ZFAND6: variants seen among roughly 807,000 people sequenced by gnomAD.
ZFAND6 encodes the protein AN1-type zinc finger protein 6.
Under a neutral mutation model 24.5 loss-of-function variants are expected in ZFAND6, and 12 were observed. That is an observed-to-expected ratio of 0.49 (90% CI 0.31 to 0.79). The LOEUF (loss-of-function observed/expected upper bound fraction) is 0.79. ZFAND6 is among the 30% of genes least tolerant of loss of function. The pLI, the probability that ZFAND6 is intolerant of heterozygous loss-of-function variation, is 0.04. For missense variants in ZFAND6, 207 were observed against 245.9 expected (o/e 0.84, Z 1.06); for synonymous variants, 92 against 81.5 (o/e 1.13, Z -0.69).
At chr15:80,069,233 A>T (rs1295207215) in intron 1 of ZFAND6, among the ~76,000 whole-genome samples, 1 of 152,220 alleles carries the variant, frequency 6.6e-6, no homozygotes, top group Non-Finnish European at 1.5e-5. Context: ...GTTGTTTGGC[A>T]CATGAAAATT....
At chr15:80,135,276 C>T (rs909632643) in intron 6 of ZFAND6, among the ~76,000 whole-genome samples, 6 of 152,154 alleles carry the variant, frequency 3.9e-5, no homozygotes, top group African/African-American at 1.4e-4. Context: ...AAACATACAA[C>T]ACAAAATATG....
At chr15:80,106,520 C>CT (rs2039333891) in intron 2 of ZFAND6, among the ~76,000 whole-genome samples, 1 of 151,386 alleles carries the variant, frequency 6.6e-6, no homozygotes, top group African/African-American at 2.4e-5. Flanking sequence ...TTTGCCAGCC[C>CT]TAATCTAGAG....
At chr15:80,067,697 G>T (rs1225762800) in intron 1 of ZFAND6, among the ~76,000 whole-genome samples, 1 of 152,126 alleles carries the variant, frequency 6.6e-6, no homozygotes, top group African/African-American at 2.4e-5. Context: ...TTGGACAGCA[G>T]AGAGACAGTC....
At chr15:80,083,502 A>G (rs78401588) in intron 1 of ZFAND6, among the ~76,000 whole-genome samples, 18 of 152,350 alleles carry the variant, frequency 1.2e-4, no homozygotes, top group African/African-American at 3.8e-4. Context: ...AGAAGACTGT[A>G]AAGTGGCTGT....
At chr15:80,120,564 C>G (rs946544185) in intron 3 of ZFAND6, 66 bp downstream of exon 3, 1 of 1,306,228 alleles carries the variant, frequency 7.7e-7, no homozygotes, top group Non-Finnish European at 1.0e-6. Flanking sequence ...TTCGGTATAC[C>G]CAATACCTTT....
At chr15:80,086,423 A>G (rs945690929) in intron 1 of ZFAND6, among the ~76,000 whole-genome samples, 3 of 152,250 alleles carry the variant, frequency 2.0e-5, no homozygotes, top group Admixed American at 1.3e-4. Flanking sequence ...GTAAATTTAT[A>G]AAGTTATGTT....
At chr15:80,082,790 T>A (rs1027511283) in intron 1 of ZFAND6, among the ~76,000 whole-genome samples, 1 of 152,186 alleles carries the variant, frequency 6.6e-6, no homozygotes, top group Non-Finnish European at 1.5e-5. Flanking sequence ...CTTGTTTTGC[T>A]GAGTTTATAT....
chr15:80,101,083 T>C (rs569091192), intron 2 of ZFAND6, among the ~76,000 whole-genome samples: 2 of 152,328 alleles, frequency 1.3e-5, no homozygotes, highest in South Asian at 4.1e-4. Context: ...ATTTTAAGGC[T>C]TTAGGATTAA....
intron 2 of ZFAND6, among the ~76,000 whole-genome samples, chr15:80,105,696 T>C (rs1444560051): frequency 5.9e-5 from 9 of 152,208 alleles, no homozygotes; most frequent in Non-Finnish European, 1.3e-4. Flanking sequence ...AACTTGAAGA[T>C]GAGTCAGTTC....
At chr15:80,069,707 C>G (rs2141811914) in intron 1 of ZFAND6, among the ~76,000 whole-genome samples, 1 of 152,194 alleles carries the variant, frequency 6.6e-6, no homozygotes, top group South Asian at 2.1e-4. Flanking sequence ...TGCCCGGGTT[C>G]AAGCAATCCT....
In ZFAND6 at chr15:80,091,699, G is replaced by A. The variant is rs75534942; in HGVS notation, c.-180-6717G>A. Among the ~76,000 whole-genome samples the A allele has an allele frequency of 0.02, 3,108 of 152,054 alleles. 229 individuals are homozygous for A. The East Asian group carries it at 0.22, about 11-fold the overall frequency. On this transcript the variant is annotated intron_variant, in intron 1 of 6. Coordinates refer to ENST00000261749, the MANE Select transcript of ZFAND6 (RefSeq NM_019006.4). ...TTGTCACCCCAGCTGGAGTGCAGAC[G>A]CACAATCATAGCTCACTGTAACCTC...
At chr15:80,093,125 TTG>T (rs558365973) in intron 1 of ZFAND6, among the ~76,000 whole-genome samples, 4 of 150,894 alleles carry the variant, frequency 2.7e-5, no homozygotes, top group Admixed American at 6.6e-5. Flanking sequence ...CAGCTAATTT[TTG>T]TGTGTGTGTG....
intron 2 of ZFAND6, among the ~76,000 whole-genome samples, chr15:80,098,801 C>T (rs559654197): frequency 6.6e-6 from 1 of 152,120 alleles, no homozygotes; most frequent in Admixed American, 6.5e-5. Context: ...TTAGTGACTA[C>T]ACATCTTTTT....
In ZFAND6 at chr15:80,083,859, C is replaced by T. The variant is rs113745717; in HGVS notation, c.-180-14557C>T. 9.1e-3 allele frequency among the ~76,000 whole-genome samples: 1,393 copies of T among 152,256 alleles called. 26 individuals are homozygous for T. The highest frequency in any genetic ancestry group is 0.032 in the African/African-American group (1,316 of 41,542). ...CCTGGGCAACAGAGCGAAATTCCTT[C>T]TCAAAAGCATGGAAGTTGAGAGCTT... On this transcript the variant is annotated intron_variant, in intron 1 of 6. Transcript: ENST00000261749.
In ZFAND6 at chr15:80,127,101, C is replaced by G. The variant is rs139132840; in HGVS notation, c.365-4079C>G. On this transcript the variant is annotated intron_variant, in intron 5 of 6. Transcript: ENST00000261749. ...TCAGCCTGGGTCACAGAATGAGACCCTCTCTCAAAAAATAAAAGAGTGGAA... is the reference window on the plus strand; with the variant it reads ...TCAGCCTGGGTCACAGAATGAGACCGTCTCTCAAAAAATAAAAGAGTGGAA... 1.8e-3 allele frequency among the ~76,000 whole-genome samples: 280 copies of G among 151,694 alleles called. 1 individual carries two copies. The highest frequency in any genetic ancestry group is 6.6e-3 in the African/African-American group (272 of 41,348).
chr15:80,105,474 C>T (rs767368129), intron 2 of ZFAND6, among the ~76,000 whole-genome samples: 10 of 152,174 alleles, frequency 6.6e-5, no homozygotes, highest in Admixed American at 1.3e-4. Flanking sequence ...CTCTCTCTCT[C>T]ATGATGAACT....
intron 2 of ZFAND6, among the ~76,000 whole-genome samples, chr15:80,106,122 G>A (rs769070911): frequency 1.3e-5 from 2 of 152,186 alleles, no homozygotes; most frequent in Non-Finnish European, 2.9e-5. Flanking sequence ...TGATAGGTAC[G>A]ATAAGTTTAT....
Position 80,121,804 on chromosome 15 carries a change from T to A in ZFAND6, c.247T>A (p.Ser83Thr). 6.2e-7 allele frequency: 1 copy of A among 1,613,504 alleles called. No homozygotes were observed. The highest frequency in any genetic ancestry group is 2.2e-5 in the East Asian group (1 of 44,852). ...EAQSALDSTS[S>T]SMQPSPVSNQ... The stretch of plus-strand genomic sequence containing the variant: ...CCAGTCAGCATTAGACTCTACATCT[T>A]CATCTATGCAGCCCAGGTAAGATGT... Residue 83 changes from serine to threonine, a missense_variant, in exon 4 of 7, where the codon TCA becomes ACA. Physicochemically the swap from Ser to Thr is moderately conservative, Grantham distance 58. Around this residue, in one of 3 missense-constraint regions of ZFAND6, gnomAD observed 133 missense variants for 122.8 expected, o/e 1.08. Coordinates refer to ENST00000261749, the MANE Select transcript of ZFAND6 (RefSeq NM_019006.4).
intron 2 of ZFAND6, among the ~76,000 whole-genome samples, chr15:80,099,872 C>T (rs2038943656): frequency 6.6e-6 from 1 of 152,148 alleles, no homozygotes; most frequent in Non-Finnish European, 1.5e-5. Context: ...CTGCCTTGGC[C>T]TCCCAAAGTG....
Sources: allele counts gnomAD v4.1 joint callset (sites outside exome capture counted in the v4.1 genomes callset), GRCh38; gene constraint gnomAD v4.1.1; regional missense constraint gnomAD v4.1.1; transcripts MANE v1.5; gene names NCBI Gene and HGNC (gene_info 2026-07-23, HGNC 2026-07-21).